The following CCSER1 variants were observed in gnomAD, a reference collection of about 807,000 sequenced individuals.
CCSER1 encodes the protein serine-rich coiled-coil domain-containing protein 1.
CCSER1 carries 41 observed loss-of-function variants against 82.0 expected under a neutral mutation model. The ratio of observed to expected loss-of-function variants is 0.50; its 90% CI spans 0.39 to 0.65. CCSER1 has a LOEUF of 0.65. Ranked by LOEUF, CCSER1 falls within the 30% of genes least tolerant of loss-of-function variation. The pLI is 0.00. For synonymous variants in CCSER1, 414 were observed against 383.9 expected, an observed-to-expected ratio of 1.08 and a Z score of -0.92; for missense variants, 1,119 against 1,064.2, an observed-to-expected ratio of 1.05 and a Z score of -0.72.
chr4:91,494,120 T>C (rs1758691302), intron 10 of CCSER1, among the ~76,000 whole-genome samples: 1 of 151,664 alleles, frequency 6.6e-6, no homozygotes. Context: ...AAGTAAAGAG[T>C]AGCCAGTACT....
chr4:91,308,599 C>A (rs1406153590), intron 10 of CCSER1, among the ~76,000 whole-genome samples: 2 of 66,738 alleles, frequency 3.0e-5, no homozygotes, highest in Non-Finnish European at 6.6e-5. Context: ...TTGCTCAGTG[C>A]ATTCTCAGTT....
chr4:90,597,035 C>T (rs1270276843), intron 5 of CCSER1, among the ~76,000 whole-genome samples: 1 of 151,856 alleles, frequency 6.6e-6, no homozygotes, highest in African/African-American at 2.4e-5. Flanking sequence ...TTAGTTAGTG[C>T]TAATTCAATC....
intron 3 of CCSER1, among the ~76,000 whole-genome samples, chr4:90,353,586 T>C (rs1172188868): frequency 6.6e-6 from 1 of 152,160 alleles, no homozygotes; most frequent in Non-Finnish European, 1.5e-5. Context: ...CACAGAAGAA[T>C]GGCATCTCAC....
intron 9 of CCSER1, among the ~76,000 whole-genome samples, chr4:91,072,665 C>G (rs1721556225): frequency 6.6e-6 from 1 of 151,998 alleles, no homozygotes. Flanking sequence ...CCAAAAGTAG[C>G]TCTGTAATGA....
At chr4:91,195,013 A>G (rs775318868) in intron 10 of CCSER1, among the ~76,000 whole-genome samples, 2 of 152,214 alleles carry the variant, frequency 1.3e-5, no homozygotes, top group Non-Finnish European at 2.9e-5. Flanking sequence ...TGAAGAAGCT[A>G]TATTTATTTT....
At chr4:90,729,487 G>T (rs1193821324) in intron 7 of CCSER1, among the ~76,000 whole-genome samples, 1 of 152,078 alleles carries the variant, frequency 6.6e-6, no homozygotes, top group Non-Finnish European at 1.5e-5. Flanking sequence ...TTTTGAGAAG[G>T]AGTAAATATA....
intron 9 of CCSER1, among the ~76,000 whole-genome samples, chr4:90,929,784 GAT>G (rs1729503489): frequency 6.6e-6 from 1 of 152,188 alleles, no homozygotes; most frequent in Non-Finnish European, 1.5e-5. Context: ...TTGAGTTGCA[GAT>G]GAAATAAATT....
intron 5 of CCSER1, among the ~76,000 whole-genome samples, chr4:90,486,460 G>A (rs1332822234): frequency 6.6e-6 from 1 of 152,170 alleles, no homozygotes; most frequent in African/African-American, 2.4e-5. Context: ...AAAACACATT[G>A]TGGCAAGTAG....
intron 10 of CCSER1, among the ~76,000 whole-genome samples, chr4:91,522,389 G>T (rs1312873380): frequency 1.3e-5 from 2 of 150,956 alleles, no homozygotes; most frequent in Admixed American, 6.6e-5. Flanking sequence ...ATGAATGTTA[G>T]TTTTTTCTAA....
At chr4:90,887,047 C>A (rs1722233849) in intron 8 of CCSER1, among the ~76,000 whole-genome samples, 1 of 151,738 alleles carries the variant, frequency 6.6e-6, no homozygotes, top group Admixed American at 6.6e-5. Flanking sequence ...AGATATAAAC[C>A]TTCCTTAATG....
intron 10 of CCSER1, among the ~76,000 whole-genome samples, chr4:91,260,824 G>A (rs942317667): frequency 1.3e-5 from 2 of 151,944 alleles, no homozygotes; most frequent in Non-Finnish European, 1.5e-5. Flanking sequence ...GCAATGGCGC[G>A]ATCTCGGCTC....
chr4:90,925,767 T>C (rs948866800), intron 9 of CCSER1, among the ~76,000 whole-genome samples: 1 of 152,210 alleles, frequency 6.6e-6, no homozygotes, highest in Non-Finnish European at 1.5e-5. Flanking sequence ...TTGTTTCGTA[T>C]GTTACAGTGA....
intron 10 of CCSER1, among the ~76,000 whole-genome samples, chr4:91,259,312 T>C (rs1006926094): frequency 6.6e-6 from 1 of 152,166 alleles, no homozygotes; most frequent in Non-Finnish European, 1.5e-5. Flanking sequence ...TTGTATGAAA[T>C]GGGATGCATA....
chr4:91,115,861 T>TATATATATATATATATATATA, intron 10 of CCSER1, among the ~76,000 whole-genome samples: 2 of 133,560 alleles, frequency 1.5e-5, no homozygotes, highest in South Asian at 5.1e-4. Flanking sequence ...ATATATATAT[T>TATATATATATATATATATATA]TTTTTTTATT....
At chr4:90,130,998 T>A (rs1237138473) in intron 1 of CCSER1, among the ~76,000 whole-genome samples, 1 of 151,862 alleles carries the variant, frequency 6.6e-6, no homozygotes, top group Non-Finnish European at 1.5e-5. Flanking sequence ...GTCTTTTTGT[T>A]TGTTAGTTTG....
At chr4:90,842,559 G>A (rs1362486588) in intron 8 of CCSER1, among the ~76,000 whole-genome samples, 3 of 152,132 alleles carry the variant, frequency 2.0e-5, no homozygotes, top group Admixed American at 2.0e-4. Flanking sequence ...TGTTCAATAG[G>A]GCATGGGTTT....
At chr4:90,363,392 T>G (rs1224471178) in intron 3 of CCSER1, among the ~76,000 whole-genome samples, 1 of 152,184 alleles carries the variant, frequency 6.6e-6, no homozygotes, top group Admixed American at 6.5e-5. Flanking sequence ...AATCATAGAC[T>G]TTTTGACATA....
chr4:90,296,556 A>C (rs1205013596), intron 1 of CCSER1, among the ~76,000 whole-genome samples: 1 of 152,124 alleles, frequency 6.6e-6, no homozygotes, highest in Non-Finnish European at 1.5e-5. Context: ...TTTAGACATG[A>C]AGTCCTTGCC....
chr4:91,154,693 A>G lies in CCSER1; in HGVS notation c.2217+68699A>G, dbSNP rs1214301572. Among the ~76,000 whole-genome samples, 3 of 152,022 alleles carry G rather than the reference A, an allele frequency of 2.0e-5. No individual in the cohort carries two copies. The East Asian group carries it at 5.8e-4, about 29-fold the overall frequency. ...TTTCCCAGACATTCTTTTTAAAATG[A>G]TAGAAAGAAGTAAACCAGTAACTAT... is the stretch of plus-strand genomic sequence containing the variant. On this transcript the variant is annotated intron_variant, in intron 10 of 10. Transcript: ENST00000509176.
Sources: allele counts gnomAD v4.1 joint callset (sites outside exome capture counted in the v4.1 genomes callset), GRCh38; gene constraint gnomAD v4.1.1; transcripts MANE v1.5; gene names NCBI Gene and HGNC (gene_info 2026-07-23, HGNC 2026-07-21).